DNAJB1: variants seen among roughly 807,000 people sequenced by gnomAD.
The protein encoded by DNAJB1 is DnaJ heat shock protein family (Hsp40) member B1.
In DNAJB1, 14 loss-of-function variants were observed where a neutral mutation model predicts 24.0. The ratio of observed to expected loss-of-function variants is 0.58; its 90% CI spans 0.39 to 0.91. The LOEUF (loss-of-function observed/expected upper bound fraction) is 0.91. Among genes scored for constraint, DNAJB1 ranks in the 40% least tolerant of loss-of-function variants. The pLI, the probability that DNAJB1 is intolerant of heterozygous loss-of-function variation, is 0.00. For missense variants in DNAJB1, 517 were observed against 458.1 expected (o/e 1.13, Z -1.17); for synonymous variants, 262 against 174.4 (o/e 1.50, Z -3.96).
intron 1 of DNAJB1, chr19:14,545,576 C>T (rs150228211): frequency 1.6e-3 from 328 of 201,992 alleles, no homozygotes; most frequent in African/African-American, 6.4e-3. Context: ...GCTGCCCGCA[C>T]GCTCTTGTTA....
chr19:14,541,565 C>T (rs62125086), intron 1 of DNAJB1, among the ~76,000 whole-genome samples: 121 of 152,236 alleles, frequency 7.9e-4, no homozygotes, highest in Admixed American at 1.6e-3. Context: ...GTGGGATGAA[C>T]GAACCACATT....
chr19:14,545,418 G>A (rs1200069082), intron 1 of DNAJB1, among the ~76,000 whole-genome samples: 1 of 151,408 alleles, frequency 6.6e-6, no homozygotes, highest in Non-Finnish European at 1.5e-5. Flanking sequence ...CTGCACCGCT[G>A]TCTCCTCTCC....
chr19:14,515,913 T>TG lies in DNAJB1; in HGVS notation c.*26dup, dbSNP rs774775077. The TG allele has an allele frequency of 1.8e-5, 28 of 1,596,404 alleles. No homozygotes were observed. The highest frequency in any genetic ancestry group is 2.3e-5 in the Non-Finnish European group (27 of 1,171,886). On this transcript the variant is annotated 3_prime_UTR_variant, in exon 3 of 3. Transcript: ENST00000254322. ...AATCCTTGAGCTCTGGAAAGGTCCC[T>TG]GGTCAGTCCTTGGGGAGCTCAGATA...
In DNAJB1 at chr19:14,515,844, C is replaced by T; in HGVS notation, c.*96G>A. 5.8e-6 allele frequency: 7 copies of T among 1,206,612 alleles called. No individual in the cohort carries two copies. The highest frequency in any genetic ancestry group is 8.3e-6 in the Non-Finnish European group (7 of 842,656). 74.7% of individuals were successfully genotyped at this position (1,206,612 alleles called of 1,614,324 possible). On this transcript the variant is annotated 3_prime_UTR_variant, in exon 3 of 3. Transcript: ENST00000254322. ...CAGCAGTACGAAAGCCCTCCCTGGG[C>T]CCTCCCACCCTCTCATGGTCCACAA...
chr19:14,517,313 C>T, intron 1 of DNAJB1: 1 of 431,410 alleles, frequency 2.3e-6, no homozygotes, highest in Non-Finnish European at 4.2e-6. Context: ...CCTGCCACTC[C>T]TGGACTGACC....
At chr19:14,518,418 TCTATATAC>T (rs1254263407), upstream of DNAJB1, 39 of 1,284,722 alleles carry the variant, frequency 3.0e-5, no homozygotes, top group South Asian at 5.7e-5. Flanking sequence ...AGTCCCGGAC[TCTATATAC>T]CCGTCCGGCG....
At chr19:14,525,757 G>A (rs1283815505) in intron 2 of DNAJB1, among the ~76,000 whole-genome samples, 1 of 151,312 alleles carries the variant, frequency 6.6e-6, no homozygotes, top group Non-Finnish European at 1.5e-5. Context: ...GTTCAGAGCT[G>A]TACACTAAAA....
At chr19:14,543,340 A>G (rs1236976840) in intron 1 of DNAJB1, among the ~76,000 whole-genome samples, 1 of 142,396 alleles carries the variant, frequency 7.0e-6, no homozygotes, top group Non-Finnish European at 1.5e-5. Flanking sequence ...CTGAGGAGAC[A>G]TGTATAGTTG....
At chr19:14,527,898 C>CT (rs999692839) in intron 1 of DNAJB1, 219 of 148,026 alleles carry the variant, frequency 1.5e-3, no homozygotes, top group African/African-American at 4.9e-3. Flanking sequence ...CTTTTTTTTT[C>CT]TTTTTTTTTT....
At chr19:14,556,480 T>C (rs1428858154) in intron 1 of DNAJB1, among the ~76,000 whole-genome samples, 1 of 151,458 alleles carries the variant, frequency 6.6e-6, no homozygotes, top group Admixed American at 6.6e-5. Context: ...TTCACAACTC[T>C]TGGTGACAAA....
intron 1 of DNAJB1, among the ~76,000 whole-genome samples, chr19:14,535,009 T>C (rs2072811538): frequency 6.6e-6 from 1 of 152,120 alleles, no homozygotes. Flanking sequence ...CAGTGTGGAC[T>C]GCTGGGAGAG....
chr19:14,529,730 G>A (rs2072543505), upstream of DNAJB1: 6 of 1,614,056 alleles, frequency 3.7e-6, no homozygotes, highest in East Asian at 2.2e-5. Context: ...CGAGAAACAG[G>A]GGCCGTGTGG....
chr19:14,518,082 C>T, intron 1 of DNAJB1, 57 bp downstream of exon 1: 3 of 1,379,008 alleles, frequency 2.2e-6, no homozygotes, highest in South Asian at 3.2e-5. Flanking sequence ...GGCCAGCGTG[C>T]CTCAGTTTCC....
At chr19:14,535,508 A>C (rs1599415200) in intron 1 of DNAJB1, among the ~76,000 whole-genome samples, 1 of 9,804 alleles carries the variant, frequency 1.0e-4, no homozygotes, top group Non-Finnish European at 1.6e-4. Context: ...CTCCGTCTCA[A>C]AAAAAAAAAA....
chr19:14,521,813 G>A (rs2072363739), upstream of DNAJB1, among the ~76,000 whole-genome samples: 1 of 152,146 alleles, frequency 6.6e-6, no homozygotes, highest in African/African-American at 2.4e-5. Context: ...GTAGAGATGG[G>A]GTTTCACCAT....
At chr19:14,536,181 G>T (rs373817155) in intron 1 of DNAJB1, among the ~76,000 whole-genome samples, 21 of 152,210 alleles carry the variant, frequency 1.4e-4, no homozygotes, top group African/African-American at 5.1e-4. Context: ...ATGCTTACGG[G>T]CTTTGGATCA....
chr19:14,550,415 C>A (rs139626964), upstream of DNAJB1, among the ~76,000 whole-genome samples: 369 of 152,200 alleles, frequency 2.4e-3, 1 homozygote, highest in African/African-American at 8.7e-3. Flanking sequence ...CGGGGGTTGG[C>A]CCGGATGAGC....
Position 14,516,697 on chromosome 19 carries a change from G to A in DNAJB1, c.561C>T (p.His187=). 1 of 1,614,178 alleles carries A rather than the reference G, an allele frequency of 6.2e-7. No individual in the cohort carries two copies. Among genetic ancestry groups the A allele is most frequent in the South Asian group, 1.1e-5 (1 of 91,090 alleles). The change falls in exon 2 of 3, where the codon CAC becomes CAT. Residue 187 remains histidine, a synonymous_variant. Transcript: ENST00000254322. ...TCTTTCCGTCGGGGTTTAGCCGCTT[G>A]TGGGAGATTTTCATCTTCTTGGTAC... is the stretch of plus-strand genomic sequence containing the variant. ...SGCTKKMKIS[H]KRLNPDGKSI...
chr19:14,540,581 A>G (rs1157684367), intron 1 of DNAJB1, among the ~76,000 whole-genome samples: 1 of 151,794 alleles, frequency 6.6e-6, no homozygotes, highest in East Asian at 1.9e-4. Context: ...TAGTACAGAC[A>G]GGGTTTCATT....
Sources: gnomAD v4.1 joint callset for allele counts (sites outside exome capture counted in the v4.1 genomes callset) on GRCh38, gnomAD v4.1.1 for gene constraint, MANE v1.5 for transcripts, NCBI Gene and HGNC (gene_info 2026-07-23, HGNC 2026-07-21) for gene names.